The following ZNF532 variants were observed in gnomAD, a reference collection of about 807,000 sequenced individuals.
ZNF532 encodes zinc finger protein 532.
ZNF532 carries 22 observed loss-of-function variants against 89.3 expected under a neutral mutation model. The observed-to-expected ratio is 0.25, with a 90% CI of 0.18 to 0.35. The LOEUF is 0.35. Among genes scored for constraint, ZNF532 ranks in the 10% least tolerant of loss-of-function variants. The probability of loss-of-function intolerance (pLI) is 1.00; values close to 1 mark genes in which losing one functional copy is unlikely to be tolerated. For synonymous variants in ZNF532, 606 were observed against 649.6 expected (o/e 0.93, Z 1.02); for missense variants, 1,132 against 1,643.4 (o/e 0.69, Z 5.38).
At chr18:58,935,276 T>C (rs1333789331) in intron 4 of ZNF532, among the ~76,000 whole-genome samples, 1 of 30,490 alleles carries the variant, frequency 3.3e-5, no homozygotes, top group African/African-American at 1.4e-4. Flanking sequence ...CTCCCTTCTC[T>C]CCCCTTCTCC....
At chr18:58,936,875 AT>A in intron 4 of ZNF532, among the ~76,000 whole-genome samples, 1 of 151,998 alleles carries the variant, frequency 6.6e-6, no homozygotes, top group African/African-American at 2.4e-5. Flanking sequence ...ATAGTTACTC[AT>A]TTTCAATGTG....
At chr18:58,876,464 C>G (rs1438057281) in intron 2 of ZNF532, among the ~76,000 whole-genome samples, 3 of 152,188 alleles carry the variant, frequency 2.0e-5, no homozygotes, top group Non-Finnish European at 1.5e-5. Flanking sequence ...GACTTACCCT[C>G]TAGCTTGGCA....
At chr18:58,872,547 A>C (rs1384685148) in intron 2 of ZNF532, among the ~76,000 whole-genome samples, 1 of 152,132 alleles carries the variant, frequency 6.6e-6, no homozygotes, top group Non-Finnish European at 1.5e-5. Context: ...TACTTCACAC[A>C]TTTGTAGTTA....
intron 5 of ZNF532, among the ~76,000 whole-genome samples, chr18:58,945,727 A>T (rs2063587483): frequency 6.6e-6 from 1 of 150,382 alleles, no homozygotes; most frequent in Admixed American, 6.6e-5. Flanking sequence ...TTATTTATTT[A>T]TTTATTTTTT....
rs139878452 is a variant in ZNF532 at position 58,919,210 on chromosome 18, C to G, written c.923C>G (p.Pro308Arg). ...TTACCAAAAGAAGTAAATGACAGTC[C>G]GAGAGCCGCTGACAAGTCTCCTGAA... is the stretch of plus-strand genomic sequence containing the variant. ...SPLPKEVNDS[P>R]RAADKSPESQ... The change falls in exon 3 of 10, where the codon CCG (proline) becomes CGG (arginine). Residue 308 changes from proline (P) to arginine (R), a missense_variant. This residue lies in a region of ZNF532 where 124 missense variants were observed against 191.6 expected (regional missense o/e 0.65). Transcript: ENST00000591808. This position sits in a 1 kb window ranked among gnomAD's most constrained non-coding sequence, Gnocchi z 6.1. 6.2e-7 allele frequency: 1 copy of G among 1,613,934 alleles called. No homozygotes were observed. The highest frequency in any genetic ancestry group is 1.7e-5 in the Admixed American group (1 of 59,998).
At chr18:58,941,144 A>G (rs1428721696) in intron 5 of ZNF532, among the ~76,000 whole-genome samples, 1 of 152,020 alleles carries the variant, frequency 6.6e-6, no homozygotes, top group East Asian at 1.9e-4. Context: ...AATGAAACAC[A>G]TTACAAATTA....
At chr18:58,958,167 T>C (rs1300133761) in intron 7 of ZNF532, among the ~76,000 whole-genome samples, 1 of 152,200 alleles carries the variant, frequency 6.6e-6, no homozygotes, top group African/African-American at 2.4e-5. Context: ...GAATTGTCAG[T>C]ATCTACTTTC....
intron 7 of ZNF532, among the ~76,000 whole-genome samples, chr18:58,965,433 G>A (rs1011627084): frequency 1.3e-5 from 2 of 152,242 alleles, no homozygotes; most frequent in Non-Finnish European, 2.9e-5. Flanking sequence ...TTCTAGCCCA[G>A]ACTCTGCAGT....
At chr18:58,888,759 T>TA (rs2058553111) in intron 2 of ZNF532, among the ~76,000 whole-genome samples, 17 of 5,704 alleles carry the variant, frequency 3.0e-3, no homozygotes, top group Admixed American at 6.7e-3. Flanking sequence ...ATATATAAAA[T>TA]TAATATATAT....
At position 58,985,107 on chromosome 18, in the gene ZNF532, C is replaced by T. The variant is rs2068266465; in HGVS notation, c.*641C>T. 1.3e-5 allele frequency: 2 copies of T among 152,086 alleles called. No individual in the cohort carries two copies. The highest frequency in any genetic ancestry group is 3.9e-4 in the East Asian group (2 of 5,188). 9.4% of individuals were successfully genotyped at this position (152,086 alleles called of 1,614,324 possible). On this transcript the variant is annotated 3_prime_UTR_variant, in exon 10 of 10. Transcript: ENST00000591808. Reference sequence around the variant, plus strand: ...TCTTGCAGGTCGCTCCTTTCCCAGCCGTGGATAAAAACTGAAGCTAGGAAT... The same window carrying T: ...TCTTGCAGGTCGCTCCTTTCCCAGCTGTGGATAAAAACTGAAGCTAGGAAT...
chr18:58,936,741 A>G (rs1418407791), intron 4 of ZNF532, among the ~76,000 whole-genome samples: 2 of 152,222 alleles, frequency 1.3e-5, no homozygotes, highest in African/African-American at 4.8e-5. Flanking sequence ...GCTCCTTTAG[A>G]AGAGAGGAGC....
Position 58,918,401 on chromosome 18 carries a change from A to G in ZNF532, c.114A>G (p.Glu38=). 1.2e-6 allele frequency: 2 copies of G among 1,614,172 alleles called. No individual in the cohort carries two copies. The highest frequency in any genetic ancestry group is 1.7e-6 in the Non-Finnish European group (2 of 1,180,032). Residue 38 remains glutamate, a synonymous_variant, in exon 3 of 10, where the codon GAA becomes GAG. Transcript: ENST00000591808. ...AAIESGHDDH[E]SHMKQNAHGE... ...TTGAGTCTGGACACGATGACCATGA[A>G]AGCCACATGAAGCAGAATGCTCACG... is the stretch of plus-strand genomic sequence containing the variant.
At chr18:58,888,876 T>TATAAAA (rs1348542840) in intron 2 of ZNF532, among the ~76,000 whole-genome samples, 1 of 42,330 alleles carries the variant, frequency 2.4e-5, no homozygotes, top group Non-Finnish European at 3.8e-5. Flanking sequence ...ATAATATATA[T>TATAAAA]TATATATATA....
chr18:58,969,223 A>G (rs887604217), intron 7 of ZNF532, among the ~76,000 whole-genome samples: 3 of 152,142 alleles, frequency 2.0e-5, no homozygotes, highest in Non-Finnish European at 4.4e-5. Context: ...GAGTGAGAAC[A>G]CAGTCTTACT....
chr18:58,934,408 C>A (rs1419687910), intron 3 of ZNF532, 25 bp from the exon 4 acceptor site: 4 of 1,607,418 alleles, frequency 2.5e-6, no homozygotes, highest in Admixed American at 1.7e-5. Context: ...AGGACCAACC[C>A]TGTTTCCCCC....
intron 3 of ZNF532, among the ~76,000 whole-genome samples, chr18:58,933,231 T>C (rs2062104916): frequency 6.6e-6 from 1 of 152,210 alleles, no homozygotes; most frequent in African/African-American, 2.4e-5. Context: ...GTAATGTTCT[T>C]ATTTTGTGAT....
chr18:58,900,633 T>C (rs1330017172), intron 2 of ZNF532, among the ~76,000 whole-genome samples: 1 of 152,160 alleles, frequency 6.6e-6, no homozygotes, highest in Non-Finnish European at 1.5e-5. Context: ...CCCCTCCCTG[T>C]CCTCCTCCTC....
Position 58,984,212 on chromosome 18 carries a change from C to T in ZNF532, c.3652C>T (p.Leu1218=). The change falls in exon 10 of 10, where the codon CTG becomes TTG. Residue 1218 remains leucine, a synonymous_variant. Transcript: ENST00000591808. ...CCTCTGCTACACGTCTCACGTCTCTCTGTCCAGGCACCTCTTCATCGTACA... is the reference window on the plus strand; with the variant it reads ...CCTCTGCTACACGTCTCACGTCTCTTTGTCCAGGCACCTCTTCATCGTACA... ...CGLCYTSHVS[L]SRHLFIVHKL... 1 of 1,611,996 alleles carries T rather than the reference C, an allele frequency of 6.2e-7. No homozygotes were observed. Among genetic ancestry groups the T allele is most frequent in the Non-Finnish European group, 8.5e-7 (1 of 1,179,862 alleles).
At chr18:58,935,781 T>G (rs895824562) in intron 4 of ZNF532, among the ~76,000 whole-genome samples, 1 of 152,100 alleles carries the variant, frequency 6.6e-6, no homozygotes, top group Admixed American at 6.5e-5. Flanking sequence ...CTGTATTATA[T>G]GTTTATCTTA....
Sources: allele counts gnomAD v4.1 joint callset (sites outside exome capture counted in the v4.1 genomes callset), GRCh38; gene constraint gnomAD v4.1.1; regional missense constraint gnomAD v4.1.1; non-coding constraint Gnocchi (gnomAD v3.1); transcripts MANE v1.5; gene names NCBI Gene and HGNC (gene_info 2026-07-23, HGNC 2026-07-21).